Variants in MICAL3 observed in about 807,000 individuals in gnomAD.
MICAL3 encodes the protein [F-actin]-monooxygenase MICAL3.
Under a neutral mutation model 207.4 loss-of-function variants are expected in MICAL3, and 62 were observed. The ratio of observed to expected loss-of-function variants is 0.30; its 90% confidence interval spans 0.24 to 0.37. The LOEUF is 0.37. Ranked by LOEUF, MICAL3 falls within the 10% of genes least tolerant of loss-of-function variation. The pLI is 1.00. For missense variants in MICAL3, 2,368 were observed against 2,635.6 expected (o/e 0.90, Z 2.22); for synonymous variants, 1,077 against 1,069.3 (o/e 1.01, Z -0.14).
chr22:18,020,603 C>A (rs1262635269), intron 1 of MICAL3, among the ~76,000 whole-genome samples: 1 of 80,612 alleles, frequency 1.2e-5, no homozygotes. Flanking sequence ...GGCTGTAAAC[C>A]TTTAAAAAGT....
intron 29 of MICAL3, among the ~76,000 whole-genome samples, chr22:17,805,926 C>T (rs1352181263): frequency 6.6e-6 from 1 of 152,230 alleles, no homozygotes; most frequent in Non-Finnish European, 1.5e-5. Flanking sequence ...GACAGGGTTT[C>T]TCCATGTTGG....
At chr22:17,943,292 A>G (rs1933897118) in intron 1 of MICAL3, among the ~76,000 whole-genome samples, 1 of 152,120 alleles carries the variant, frequency 6.6e-6, no homozygotes, top group Non-Finnish European at 1.5e-5. Flanking sequence ...CCTCCCGAGT[A>G]GCTGGGATTA....
At chr22:17,969,928 G>A (rs916236360) in intron 1 of MICAL3, among the ~76,000 whole-genome samples, 24 of 152,256 alleles carry the variant, frequency 1.6e-4, no homozygotes, top group Middle Eastern at 3.4e-3. Flanking sequence ...GCCTCATGAG[G>A]TCACGTCCAC....
chr22:17,932,261 C>G (rs1201429162), intron 1 of MICAL3, among the ~76,000 whole-genome samples: 1 of 152,174 alleles, frequency 6.6e-6, no homozygotes, highest in Non-Finnish European at 1.5e-5. Flanking sequence ...GGAAGGCCAT[C>G]AGACTAACGC....
chr22:17,916,518 C>A (rs1250373525), intron 1 of MICAL3, among the ~76,000 whole-genome samples: 1 of 152,204 alleles, frequency 6.6e-6, no homozygotes, highest in Non-Finnish European at 1.5e-5. Flanking sequence ...ATCTTTGAAC[C>A]TCCAACAAGT....
chr22:17,952,001 A>G (rs1248316445), intron 1 of MICAL3, among the ~76,000 whole-genome samples: 1 of 152,022 alleles, frequency 6.6e-6, no homozygotes, highest in African/African-American at 2.4e-5. Context: ...CGGGCGTAAA[A>G]TTTCTTAAAA....
rs1164029570 is a variant in MICAL3 at position 17,902,070 on chromosome 22, CAAAA to C, written c.590-95_590-92del. The C allele has an allele frequency of 2.2e-6, 2 of 911,196 alleles. No homozygotes were observed. The highest frequency in any genetic ancestry group is 3.4e-6 in the Non-Finnish European group (2 of 591,586). The allele number at this position is 911,196 out of a possible 1,614,324, so 56.4% of individuals were successfully genotyped here. On this transcript the variant is annotated intron_variant, in intron 4 of 31. Coordinates refer to ENST00000441493, the MANE Select transcript of MICAL3 (RefSeq NM_015241.3). This position sits in a 1 kb window ranked among gnomAD's most constrained non-coding sequence, Gnocchi z 4.5. ...TAGATACCCAGTCATGTGAACTGCA[CAAAA>C]CCCTGGGCCAAAAACACTATGTGTA...
chr22:17,927,422 C>T (rs1459660154), intron 1 of MICAL3, among the ~76,000 whole-genome samples: 1 of 152,188 alleles, frequency 6.6e-6, no homozygotes, highest in Admixed American at 6.5e-5. Flanking sequence ...CTCAAGTGTG[C>T]AATTCCCATA....
In MICAL3 at chr22:17,822,189, A is replaced by C. The variant is rs768157506; in HGVS notation, c.3308-19T>G. On this transcript the variant is annotated intron_variant, in intron 23 of 31. Transcript: ENST00000441493. ...TGCTGATCTGGCAGAGGGAAGGGGC[A>C]GAAGTGGGTGCACACCCTAAGTGAG... The C allele has an allele frequency of 1.9e-6, 3 of 1,611,408 alleles. No individual in the cohort carries two copies. The South Asian group carries it at 3.3e-5, about 18-fold the overall frequency.
chr22:17,831,923 C>T lies in MICAL3; in HGVS notation c.2986G>A (p.Glu996Lys). 6.4e-7 allele frequency: 1 copy of T among 1,565,640 alleles called. No homozygotes were observed. Among genetic ancestry groups the T allele is most frequent in the Middle Eastern group, 1.7e-4 (1 of 6,012 alleles). ...TCCTCTTCATATTCTTCCTCCTCCT[C>T]CTCCTCCTCTTCATTCCCAGGCCCA... ...SFGPGNEEEE[E>K]EEEEYEEEEE... Residue 996 changes from glutamate to lysine, a missense_variant, in exon 21 of 32, where the codon GAG becomes AAG. Around this residue, in one of 4 missense-constraint regions of MICAL3, gnomAD observed 1,770 missense variants for 1,863.2 expected, o/e 0.95. Coordinates refer to ENST00000441493, the MANE Select transcript of MICAL3 (RefSeq NM_015241.3).
At chr22:17,805,758 C>T (rs575142115) in intron 29 of MICAL3, among the ~76,000 whole-genome samples, 3 of 152,302 alleles carry the variant, frequency 2.0e-5, no homozygotes, top group South Asian at 2.1e-4. Flanking sequence ...GACAGAGTTT[C>T]GCTCTTGTTG....
At chr22:17,810,334 A>C (rs1354111691) in intron 28 of MICAL3, among the ~76,000 whole-genome samples, 1 of 152,076 alleles carries the variant, frequency 6.6e-6, no homozygotes, top group African/African-American at 2.4e-5. Flanking sequence ...AAGTGCTGAG[A>C]TTATAGGCAT....
At position 17,827,693 on chromosome 22, in the gene MICAL3, T is replaced by C. The variant is rs766315843; in HGVS notation, c.3144A>G (p.Arg1048=). The change falls in exon 22 of 32, where the codon AGA becomes AGG. Residue 1048 remains arginine, a synonymous_variant. Transcript: ENST00000441493. ...CCGGCGCCATCCTCTCTTCCTCCTC[T>C]CTCTCACGGATATGAGTCCAGTGCA... The part of the protein sequence containing the change: ...ADVHWTHIRE[R]EEEERMAPAS... 1 of 1,583,110 alleles carries C rather than the reference T, an allele frequency of 6.3e-7. No individual in the cohort carries two copies. The highest frequency in any genetic ancestry group is 8.6e-7 in the Non-Finnish European group (1 of 1,164,624).
At chr22:17,958,767 G>A (rs1488661581) in intron 1 of MICAL3, among the ~76,000 whole-genome samples, 1 of 151,188 alleles carries the variant, frequency 6.6e-6, no homozygotes, top group African/African-American at 2.4e-5. Context: ...GCAATGGCGT[G>A]ATCTCAGCTC....
At chr22:17,874,844 C>T (rs1025873437) in intron 16 of MICAL3, among the ~76,000 whole-genome samples, 13 of 151,286 alleles carry the variant, frequency 8.6e-5, no homozygotes, top group African/African-American at 3.2e-4. Context: ...ACTTCAGATC[C>T]CGCCGCACAC....
chr22:17,934,755 CA>C lies in MICAL3; in HGVS notation c.-74-27870del, dbSNP rs1933435709. Among the ~76,000 whole-genome samples, 4 of 152,272 alleles carry C rather than the reference CA, an allele frequency of 2.6e-5. No homozygotes were observed. In the South Asian group the frequency reaches 8.3e-4, roughly 32 times the overall value. On this transcript the variant is annotated intron_variant, in intron 1 of 31. Coordinates refer to ENST00000441493, the MANE Select transcript of MICAL3 (RefSeq NM_015241.3). ...TCCTTAAGCTGATAAGCAACTTCAG[CA>C]AAGTCTCAGGATACAAAATCAATGT...
chr22:17,839,726 C>T (rs1923804572), intron 20 of MICAL3: 1 of 151,442 alleles, frequency 6.6e-6, no homozygotes, highest in Non-Finnish European at 1.5e-5. Flanking sequence ...GCCACCATGC[C>T]CGGCTAATTT....
chr22:17,803,877 G>A (rs1454667475), intron 29 of MICAL3: 9 of 983,762 alleles, frequency 9.1e-6, no homozygotes, highest in Non-Finnish European at 9.7e-6. Context: ...ACAAGGAATC[G>A]GTGAAGAGAG....
intron 19 of MICAL3, among the ~76,000 whole-genome samples, chr22:17,854,973 G>T (rs542036889): frequency 2.6e-4 from 39 of 152,316 alleles, no homozygotes; most frequent in African/African-American, 8.9e-4. Context: ...TTTGTGCTGT[G>T]TTCTCAACTC....
Sources: gnomAD v4.1 joint callset for allele counts (sites outside exome capture counted in the v4.1 genomes callset) on GRCh38, gnomAD v4.1.1 for gene constraint, gnomAD v4.1.1 regional missense constraint, Gnocchi (gnomAD v3.1) non-coding constraint, MANE v1.5 for transcripts, NCBI Gene and HGNC (gene_info 2026-07-23, HGNC 2026-07-21) for gene names.